SLCO1B1: variants seen among roughly 807,000 people sequenced by gnomAD.
SLCO1B1 encodes solute carrier organic anion transporter family member 1B1, also known as OATP-2.
In SLCO1B1, 81 loss-of-function variants were observed where a neutral mutation model predicts 70.1. The observed-to-expected ratio is 1.16, with a 90% CI of 0.97 to 1.39. The LOEUF is 1.39. SLCO1B1 is among the 40% of genes most tolerant of loss of function. The probability of loss-of-function intolerance (pLI) is 0.00; values close to 1 mark genes in which losing one functional copy is unlikely to be tolerated. For missense variants in SLCO1B1, 895 were observed against 799.6 expected (o/e 1.12, Z -1.44); for synonymous variants, 283 against 271.5 (o/e 1.04, Z -0.42).
chr12:21,219,035 G>A (rs966497501), intron 12 of SLCO1B1, among the ~76,000 whole-genome samples: 1 of 152,170 alleles, frequency 6.6e-6, no homozygotes, highest in Admixed American at 6.5e-5. Context: ...TGTATGCACT[G>A]AGGATGCAAC....
At chr12:21,175,279 C>A (rs757315542) in intron 4 of SLCO1B1, among the ~76,000 whole-genome samples, 2 of 152,018 alleles carry the variant, frequency 1.3e-5, no homozygotes, top group South Asian at 4.2e-4. Flanking sequence ...ATTGTGGCAA[C>A]GTATTTCCAG....
At chr12:21,147,277 C>G (rs1341554379) in intron 2 of SLCO1B1, among the ~76,000 whole-genome samples, 1 of 152,048 alleles carries the variant, frequency 6.6e-6, no homozygotes, top group Non-Finnish European at 1.5e-5. Context: ...ATGTTTTTCT[C>G]CACTTCTTTA....
At chr12:21,173,120 C>T (rs571905545) in intron 3 of SLCO1B1, among the ~76,000 whole-genome samples, 38 of 152,258 alleles carry the variant, frequency 2.5e-4, no homozygotes, top group African/African-American at 9.1e-4. Flanking sequence ...ACTTTACCTC[C>T]CCTCTCTCAA....
rs756143146 is a variant in SLCO1B1, at chr12:21,239,092, A to AAAATGGAAG, written c.1980_1988dup (p.Gly662_Ser663insArgAsnGly). The AAAATGGAAG allele has an allele frequency of 6.2e-7, 1 of 1,609,208 alleles. No individual in the cohort carries two copies. Among genetic ancestry groups the AAAATGGAAG allele is most frequent in the Non-Finnish European group, 8.5e-7 (1 of 1,176,004 alleles). On this transcript the variant is annotated inframe_insertion, in exon 15 of 15. Coordinates refer to ENST00000256958, the MANE Select transcript of SLCO1B1 (RefSeq NM_006446.5). Reference sequence around the variant, plus strand: ...CAAGAGAAAGATATCAATGCATCAGAAAATGGAAGTGTCATGGATGAAGCA... The same window carrying AAAATGGAAG: ...CAAGAGAAAGATATCAATGCATCAGAAAATGGAAGAAATGGAAGTGTCATGGATGAAGCA...
At chr12:21,189,146 GTCATATGAGAGTTCT>G (rs1940997386) in intron 7 of SLCO1B1, among the ~76,000 whole-genome samples, 1 of 152,126 alleles carries the variant, frequency 6.6e-6, no homozygotes, top group African/African-American at 2.4e-5. Context: ...GGATTGCTGG[GTCATATGAGAGTTCT>G]GTATTTAATT....
intron 2 of SLCO1B1, among the ~76,000 whole-genome samples, chr12:21,151,045 A>T (rs1236167355): frequency 6.6e-6 from 1 of 152,212 alleles, no homozygotes; most frequent in Non-Finnish European, 1.5e-5. Context: ...GCGTGTACAT[A>T]CATAAACCTA....
At chr12:21,137,173 C>T (rs1271166584) in intron 1 of SLCO1B1, among the ~76,000 whole-genome samples, 2 of 152,136 alleles carry the variant, frequency 1.3e-5, no homozygotes, top group Non-Finnish European at 2.9e-5. Context: ...AATGCTGCTG[C>T]CTGATCGTTC....
intron 7 of SLCO1B1, among the ~76,000 whole-genome samples, chr12:21,194,551 G>T (rs1218002737): frequency 1.3e-5 from 2 of 152,008 alleles, no homozygotes; most frequent in African/African-American, 2.4e-5. Context: ...TCCATGTCAC[G>T]ATCTGCATTT....
intron 2 of SLCO1B1, among the ~76,000 whole-genome samples, chr12:21,153,767 G>A (rs1207919765): frequency 3.3e-5 from 5 of 151,756 alleles, no homozygotes; most frequent in South Asian, 4.2e-4. Context: ...TTATATAACC[G>A]TTTTATCTTT....
chr12:21,149,547 AG>A (rs1940438070), intron 2 of SLCO1B1, among the ~76,000 whole-genome samples: 1 of 152,268 alleles, frequency 6.6e-6, no homozygotes, highest in East Asian at 1.9e-4. Context: ...TGCAGCCAAC[AG>A]GGGGCAAGCC....
intron 14 of SLCO1B1, among the ~76,000 whole-genome samples, chr12:21,236,186 T>C (rs567382637): frequency 6.6e-6 from 1 of 152,268 alleles, no homozygotes; most frequent in Non-Finnish European, 1.5e-5. Context: ...CTTCAGTAAT[T>C]GGTGCTGTGC....
intron 2 of SLCO1B1, among the ~76,000 whole-genome samples, chr12:21,164,124 TA>T (rs1270902426): frequency 1.3e-5 from 2 of 152,126 alleles, no homozygotes; most frequent in Non-Finnish European, 2.9e-5. Flanking sequence ...TCTAATAAAA[TA>T]AATTAATATG....
chr12:21,131,624 G>A (rs961249424), intron 1 of SLCO1B1, among the ~76,000 whole-genome samples: 2 of 151,864 alleles, frequency 1.3e-5, no homozygotes, highest in Non-Finnish European at 2.9e-5. Flanking sequence ...TTTCTTTGAT[G>A]TCTTCTTAAC....
chr12:21,230,347 G>A (rs3962562), intron 14 of SLCO1B1, among the ~76,000 whole-genome samples: 2 of 70,808 alleles, frequency 2.8e-5, no homozygotes, highest in Non-Finnish European at 5.0e-5. Context: ...TTTTTTTTTT[G>A]GAGACATAGT....
At chr12:21,163,691 G>A (rs1266418440) in intron 2 of SLCO1B1, among the ~76,000 whole-genome samples, 1 of 152,128 alleles carries the variant, frequency 6.6e-6, no homozygotes, top group Non-Finnish European at 1.5e-5. Flanking sequence ...AAGAGAAAGA[G>A]AATGGAAGTG....
chr12:21,192,469 CTT>C (rs1941041624), intron 7 of SLCO1B1, among the ~76,000 whole-genome samples: 1 of 151,430 alleles, frequency 6.6e-6, no homozygotes, highest in South Asian at 2.1e-4. Context: ...TTGTTTGAGT[CTT>C]TTCTCTTTTG....
intron 14 of SLCO1B1, among the ~76,000 whole-genome samples, chr12:21,226,342 AG>A (rs1565444372): frequency 6.6e-6 from 1 of 152,046 alleles, no homozygotes; most frequent in Admixed American, 6.6e-5. Context: ...TGAACCCAGG[AG>A]GCGGAGGTTG....
intron 11 of SLCO1B1, among the ~76,000 whole-genome samples, chr12:21,213,640 G>A (rs1488772233): frequency 1.5e-5 from 2 of 135,170 alleles, no homozygotes; most frequent in African/African-American, 2.8e-5. Flanking sequence ...AGTTCTCCTG[G>A]ATAATATCCT....
At chr12:21,226,477 T>C (rs1165799274) in intron 14 of SLCO1B1, among the ~76,000 whole-genome samples, 2 of 152,000 alleles carry the variant, frequency 1.3e-5, no homozygotes, top group Non-Finnish European at 2.9e-5. Flanking sequence ...TTATTCTAAC[T>C]GTATGACCTT....
Sources: gnomAD v4.1 joint callset for allele counts (sites outside exome capture counted in the v4.1 genomes callset) on GRCh38, gnomAD v4.1.1 for gene constraint, MANE v1.5 for transcripts, NCBI Gene and HGNC (gene_info 2026-07-23, HGNC 2026-07-21) for gene names.